Variants in CD5 observed in about 807,000 individuals in gnomAD.
CD5 encodes CD5 molecule, also known as T-cell surface glycoprotein CD5.
Under a neutral mutation model 60.3 loss-of-function variants are expected in CD5, and 36 were observed. The ratio of observed to expected loss-of-function variants is 0.60; its 90% CI spans 0.46 to 0.79. The LOEUF is 0.79. CD5 is among the 30% of genes least tolerant of loss of function. The pLI is 0.00. For missense variants in CD5, 540 were observed against 630.6 expected (o/e 0.86, Z 1.54); for synonymous variants, 230 against 257.6 (o/e 0.89, Z 1.03).
chr11:61,103,912 TG>T (rs1400558546), intron 1 of CD5, among the ~76,000 whole-genome samples: 455 of 38,838 alleles, frequency 0.012, 23 homozygotes, highest in Non-Finnish European at 0.014. Flanking sequence ...GTACTGTGTG[TG>T]GGGGGGGAAT....
At chr11:61,097,959 G>C (rs191280499), upstream of CD5, among the ~76,000 whole-genome samples, 342 of 152,304 alleles carry the variant, frequency 2.2e-3, 9 homozygotes, top group Admixed American at 0.019. Context: ...ATTGGCTCTC[G>C]ACTACTTGCT....
chr11:61,123,330 G>A (rs938051465), intron 7 of CD5, among the ~76,000 whole-genome samples: 1 of 152,162 alleles, frequency 6.6e-6, no homozygotes, highest in Non-Finnish European at 1.5e-5. Flanking sequence ...CCCAGAGGGT[G>A]TTCAGTACAG....
At chr11:61,100,146 T>A (rs1243510776), upstream of CD5, among the ~76,000 whole-genome samples, 1 of 110,774 alleles carries the variant, frequency 9.0e-6, no homozygotes, top group Non-Finnish European at 1.8e-5. Context: ...AACATGGAGA[T>A]CACACACACA....
At position 61,113,670 on chromosome 11, in the gene CD5, CT is replaced by C. The variant is rs201460843; in HGVS notation, c.56-1376del. Among the ~76,000 whole-genome samples the C allele has an allele frequency of 4.3e-3, 637 of 149,510 alleles. 12 individuals are homozygous for C. In the East Asian group the frequency reaches 0.061, roughly 14 times the overall value. On this transcript the variant is annotated intron_variant, in intron 1 of 10. Transcript: ENST00000347785. ...CCTTTCTTGCTCATTTCTTTCTTTC[CT>C]TTTTTTTTTCTTGTAAAGACAGAAT...
chr11:61,099,764 A>AC (rs1296093023), upstream of CD5, among the ~76,000 whole-genome samples: 12 of 151,788 alleles, frequency 7.9e-5, no homozygotes, highest in South Asian at 6.3e-4. Context: ...TCACATTCAC[A>AC]ACACAAACAT....
chr11:61,114,939 T>G, intron 1 of CD5, 117 bp from the exon 2 acceptor site: 2 of 880,842 alleles, frequency 2.3e-6, no homozygotes, highest in Non-Finnish European at 3.5e-6. Flanking sequence ...CTAAAACCCA[T>G]GATAGTGGAT....
At position 61,118,332 on chromosome 11, in the gene CD5, G is replaced by A. The variant is rs1237210301; in HGVS notation, c.252G>A (p.Leu84=). ...PSQASKVCQR[L]NCGVPLSLGP... ...AAGCGTCAAAAGTCTGCCAGCGGCT[G>A]AACTGTGGGGTGCCCTTAAGCCTTG... The change falls in exon 3 of 11, where the codon CTG becomes CTA. Residue 84 remains leucine (L), a synonymous_variant. Coordinates refer to ENST00000347785, the MANE Select transcript of CD5 (RefSeq NM_014207.4). This position sits in a 1 kb window ranked among gnomAD's most constrained non-coding sequence, Gnocchi z 4.7. 1 of 1,614,250 alleles carries A rather than the reference G, an allele frequency of 6.2e-7. No homozygotes were observed. Among genetic ancestry groups the A allele is most frequent in the South Asian group, 1.1e-5 (1 of 91,080 alleles).
At chr11:61,116,646 C>T (rs1590771361) in intron 2 of CD5, among the ~76,000 whole-genome samples, 2 of 145,320 alleles carry the variant, frequency 1.4e-5, no homozygotes, top group Non-Finnish European at 3.0e-5. Flanking sequence ...ACCACACACA[C>T]CCCACACACA....
chr11:61,099,863 G>A (rs1320584338), upstream of CD5, among the ~76,000 whole-genome samples: 3 of 141,558 alleles, frequency 2.1e-5, no homozygotes, highest in African/African-American at 8.2e-5. Context: ...GATCACACAT[G>A]TCAACATGGA....
rs553992183 is a variant in CD5, at chr11:61,119,581, T to A, written c.805+6T>A. ...TCTTGCCCTCCTTTGCTCAGGTAAG[T>A]GAGACCTGGCCAAGCCCCATGACAC... On this transcript the variant is annotated splice_donor_region_variant and intron_variant, in intron 5 of 10. Coordinates refer to ENST00000347785, the MANE Select transcript of CD5 (RefSeq NM_014207.4). 236 of 1,598,200 alleles carry A rather than the reference T, an allele frequency of 1.5e-4. 1 individual carries two copies. The South Asian group carries it at 2.6e-3, about 17-fold the overall frequency.
rs367607461 is a variant in CD5, at chr11:61,120,818, TC to T, written c.806-790del. ...GAGGAGAGCAGGGGCTGGCTCGCAG[TC>T]CCACCGGCCCCTCAGCTACTATCCT... On this transcript the variant is annotated intron_variant, in intron 5 of 10. Transcript: ENST00000347785. 2.4e-4 allele frequency among the ~76,000 whole-genome samples: 37 copies of T among 152,288 alleles called. No homozygotes were observed. In the East Asian group the frequency reaches 6.9e-3, roughly 29 times the overall value.
At chr11:61,107,319 C>T (rs766407103) in intron 1 of CD5, among the ~76,000 whole-genome samples, 6 of 152,190 alleles carry the variant, frequency 3.9e-5, no homozygotes, top group African/African-American at 7.2e-5. Context: ...CGGATGCCCC[C>T]GTGAGGACTT....
At chr11:61,119,981 C>T (rs527650063) in intron 5 of CD5, among the ~76,000 whole-genome samples, 43 of 152,234 alleles carry the variant, frequency 2.8e-4, no homozygotes, top group Admixed American at 1.4e-3. Context: ...ATTTGTAAAT[C>T]CCAAGAGTTG....
intron 8 of CD5, 103 bp from the exon 9 acceptor site, chr11:61,124,929 G>A (rs1297682562): frequency 7.7e-6 from 11 of 1,430,570 alleles, no homozygotes; most frequent in East Asian, 4.7e-5. Context: ...TCCTCTCCCC[G>A]CTAACATCAT....
chr11:61,098,488 G>A (rs175136), upstream of CD5, among the ~76,000 whole-genome samples: 61,186 of 152,052 alleles, frequency 0.4, 13,765 homozygotes, highest in East Asian at 0.92. Context: ...AAATCTGCTC[G>A]GCACCACACC....
At chr11:61,119,086 G>C in intron 4 of CD5, 109 bp downstream of exon 4, 1 of 1,189,644 alleles carries the variant, frequency 8.4e-7, no homozygotes, top group Non-Finnish European at 1.2e-6. Flanking sequence ...TAGTATTGGT[G>C]TGTTCTACGC....
At position 61,119,295 on chromosome 11, in the gene CD5, G is replaced by A; in HGVS notation, c.525G>A (p.Glu175=). Residue 175 remains glutamate (E), a synonymous_variant, in exon 5 of 11, where the codon GAG becomes GAA. Coordinates refer to ENST00000347785, the MANE Select transcript of CD5 (RefSeq NM_014207.4). ...GCCAGCACTGTGCCGGCGTGGTGGA[G>A]TTCTACAGCGGCAGCCTGGGGGGTA... The part of the protein sequence containing the change: ...SGGQHCAGVV[E]FYSGSLGGTI... 6.2e-7 allele frequency: 1 copy of A among 1,613,752 alleles called. No homozygotes were observed. Among genetic ancestry groups the A allele is most frequent in the Non-Finnish European group, 8.5e-7 (1 of 1,180,002 alleles).
At position 61,119,554 on chromosome 11, in the gene CD5, G is replaced by GT. The variant is rs1861023887; in HGVS notation, c.786dup (p.Leu263SerfsTer24). 6.2e-7 allele frequency: 1 copy of GT among 1,611,636 alleles called. No homozygotes were observed. Among genetic ancestry groups the GT allele is most frequent in the African/African-American group, 1.3e-5 (1 of 74,920 alleles). On this transcript the variant is annotated frameshift_variant, in exon 5 of 11. Coordinates refer to ENST00000347785, the MANE Select transcript of CD5 (RefSeq NM_014207.4). LOFTEE classifies it high-confidence loss of function. Reference sequence around the variant, plus strand: ...AATCAAGCCCCAGAAAAGTGGCCGAGTTCTTGCCCTCCTTTGCTCAGGTAA... The same window carrying GT: ...AATCAAGCCCCAGAAAAGTGGCCGAGTTTCTTGCCCTCCTTTGCTCAGGTAA...
Position 61,119,636 on chromosome 11 carries a change from C to A in CD5, c.805+61C>A, listed in dbSNP as rs887389414. On this transcript the variant is annotated intron_variant, in intron 5 of 10. Transcript: ENST00000347785. ...TGCTGCCCTAGGTGGGGTCACAGAGCATCCCAGAAGGTCAGGGAACATGTG... is the reference window on the plus strand; with the variant it reads ...TGCTGCCCTAGGTGGGGTCACAGAGAATCCCAGAAGGTCAGGGAACATGTG... 3 of 1,232,898 alleles carry A rather than the reference C, an allele frequency of 2.4e-6. No individual in the cohort carries two copies. The African/African-American group carries it at 4.5e-5, about 18-fold the overall frequency. 76.4% of individuals were successfully genotyped at this position (1,232,898 alleles called of 1,614,324 possible). A position where few individuals can be genotyped will look rare whatever the true frequency, so the allele number is the denominator to read the frequency against.
Sources: gnomAD v4.1 joint callset for allele counts (sites outside exome capture counted in the v4.1 genomes callset) on GRCh38, gnomAD v4.1.1 for gene constraint, Gnocchi (gnomAD v3.1) non-coding constraint, MANE v1.5 for transcripts, NCBI Gene and HGNC (gene_info 2026-07-23, HGNC 2026-07-21) for gene names.